SORBS2: variants seen among roughly 807,000 people sequenced by gnomAD.
SORBS2 encodes the protein sorbin and SH3 domain containing 2, also known as sorbin and SH3 domain-containing protein 2.
SORBS2 carries 46 observed loss-of-function variants against 97.7 expected under a neutral mutation model. That is an observed-to-expected ratio of 0.47 (90% CI 0.37 to 0.60). The LOEUF (loss-of-function observed/expected upper bound fraction) is 0.60. SORBS2 is among the 20% of genes least tolerant of loss of function. The pLI, the probability that SORBS2 is intolerant of heterozygous loss-of-function variation, is 0.00. For synonymous variants in SORBS2, 476 were observed against 473.4 expected (o/e 1.01, Z -0.07); for missense variants, 1,316 against 1,282.3 (o/e 1.03, Z -0.40).
At chr4:185,680,029 G>A (rs1293848869) in intron 2 of SORBS2, among the ~76,000 whole-genome samples, 1 of 152,164 alleles carries the variant, frequency 6.6e-6, no homozygotes, top group African/African-American at 2.4e-5. Flanking sequence ...CATTCTTTAT[G>A]ATCATTGATA....
intron 1 of SORBS2, among the ~76,000 whole-genome samples, chr4:185,783,207 A>G (rs987481087): frequency 3.7e-4 from 56 of 152,246 alleles, no homozygotes; most frequent in African/African-American, 1.3e-3. Flanking sequence ...AAGGAACTAT[A>G]GATTCCTTAT....
intron 2 of SORBS2, among the ~76,000 whole-genome samples, chr4:185,741,404 G>GTTTTTTTTTTTTTTTTTTTTTTTTTTT: frequency 9.0e-6 from 1 of 111,666 alleles, no homozygotes; most frequent in Non-Finnish European, 1.7e-5. Context: ...TTTTTTTTTT[G>GTTTTTTTTTTTTTTTTTTTTTTTTTTT]TTTTTTTTTT....
At chr4:185,837,842 T>C (rs1463975103) in intron 1 of SORBS2, among the ~76,000 whole-genome samples, 2 of 146,206 alleles carry the variant, frequency 1.4e-5, no homozygotes, top group Non-Finnish European at 1.5e-5. Flanking sequence ...ATTTCTTTAA[T>C]AGAAAAAAAA....
At chr4:185,622,836 A>T in intron 7 of SORBS2, 78 bp downstream of exon 19, 1 of 1,405,728 alleles carries the variant, frequency 7.1e-7, no homozygotes, top group Non-Finnish European at 9.6e-7. Flanking sequence ...GGGAGTGATG[A>T]GATGTTGGAA....
At position 185,623,948 on chromosome 4, in the gene SORBS2, A is replaced by T; in HGVS notation, c.1181T>A (p.Leu394Gln). Residue 394 changes from leucine (L) to glutamine (Q), a missense_variant, in exon 7 of 15, where the codon CTG becomes CAG. Leu to Gln is a moderately radical substitution (Grantham distance 113). Coordinates refer to ENST00000418609, the Ensembl canonical transcript of SORBS2. The surrounding 1 kb of genome is among the most constrained non-coding windows in gnomAD (Gnocchi z 6.4). ...CGTGGAGCACTGGCTCCAGGCGCGC[A>T]GCAGGTCCTTGTGCTGCTGCTCGCT... The T allele has an allele frequency of 6.2e-7, 1 of 1,614,218 alleles. No homozygotes were observed. Among genetic ancestry groups the T allele is most frequent in the Non-Finnish European group, 8.5e-7 (1 of 1,180,040 alleles).
intron 4 of SORBS2, 53 bp downstream of exon 13, chr4:185,646,615 G>A: frequency 1.9e-6 from 2 of 1,079,392 alleles, no homozygotes; most frequent in South Asian, 1.4e-5. Context: ...GTTTATTGGG[G>A]AGCCCTGGGA....
chr4:185,716,677 G>C (rs1399083092), intron 2 of SORBS2, among the ~76,000 whole-genome samples: 1 of 152,152 alleles, frequency 6.6e-6, no homozygotes, highest in Non-Finnish European at 1.5e-5. Context: ...TTACTCCACA[G>C]ATGGTGGAGT....
chr4:185,955,139 C>T (rs1421506418), intron 1 of SORBS2, among the ~76,000 whole-genome samples: 1 of 152,118 alleles, frequency 6.6e-6, no homozygotes, highest in Non-Finnish European at 1.5e-5. Context: ...TTTAACATTT[C>T]AATGGGCCAT....
intron 12 of SORBS2, among the ~76,000 whole-genome samples, chr4:185,603,315 G>C (rs767297951): frequency 3.3e-5 from 5 of 152,040 alleles, no homozygotes; most frequent in Non-Finnish European, 5.9e-5. Context: ...GAGAAAAAAA[G>C]AGAAATTCTT....
At chr4:185,601,634 C>T (rs2096264073) in intron 12 of SORBS2, among the ~76,000 whole-genome samples, 1 of 152,300 alleles carries the variant, frequency 6.6e-6, no homozygotes, top group East Asian at 1.9e-4. Context: ...TTTTCTGGGA[C>T]TGTGCTTATC....
In SORBS2 at chr4:185,768,621, C is replaced by CCTGGGAGG. The variant is rs770403471; in HGVS notation, c.-198+6598_-198+6605dup. Among the ~76,000 whole-genome samples, 7 of 149,840 alleles carry CCTGGGAGG rather than the reference C, an allele frequency of 4.7e-5. No homozygotes were observed. The South Asian group carries it at 1.3e-3, about 27-fold the overall frequency. On this transcript the variant is annotated intron_variant, in intron 2 of 20. Transcript: ENST00000284776. ...GGGTGAGGCACGAGAATCACTTGAA[C>CCTGGGAGG]CTGGGAGGCGGAGGTTGCAGTGAGC... is the stretch of plus-strand genomic sequence containing the variant.
intron 1 of SORBS2, among the ~76,000 whole-genome samples, chr4:185,950,597 T>C (rs1318606923): frequency 6.6e-6 from 1 of 152,248 alleles, no homozygotes; most frequent in Non-Finnish European, 1.5e-5. Context: ...TCAGGAGTGA[T>C]GAATGCCCCT....
intron 4 of SORBS2, among the ~76,000 whole-genome samples, chr4:185,635,012 T>C (rs2096970837): frequency 6.6e-6 from 1 of 152,212 alleles, no homozygotes; most frequent in Non-Finnish European, 1.5e-5. Context: ...AGCCTTCTTG[T>C]AGTATTTTAC....
chr4:185,752,935 T>C (rs540039781), intron 2 of SORBS2, among the ~76,000 whole-genome samples: 70 of 152,336 alleles, frequency 4.6e-4, no homozygotes, highest in African/African-American at 1.7e-3. Context: ...CAATAGTTGA[T>C]CTTTAAATTG....
intron 2 of SORBS2, among the ~76,000 whole-genome samples, chr4:185,738,256 T>C (rs903846557): frequency 3.9e-5 from 6 of 152,230 alleles, no homozygotes; most frequent in Non-Finnish European, 8.8e-5. Context: ...TTCTGAGAAA[T>C]TGGCTGCTTT....
intron 7 of SORBS2, among the ~76,000 whole-genome samples, chr4:185,620,959 A>G (rs2096711161): frequency 2.0e-5 from 3 of 152,232 alleles, no homozygotes; most frequent in African/African-American, 7.2e-5. Flanking sequence ...GATTGCATGT[A>G]GTTCTTAATA....
chr4:185,775,994 C>T (rs928816147), intron 1 of SORBS2: 5 of 152,300 alleles, frequency 3.3e-5, no homozygotes, highest in African/African-American at 1.2e-4. Flanking sequence ...AACAGTGACC[C>T]CTGCTTCTGC....
intron 1 of SORBS2, among the ~76,000 whole-genome samples, chr4:185,928,471 T>C (rs1188004602): frequency 1.3e-5 from 2 of 152,168 alleles, no homozygotes; most frequent in Non-Finnish European, 2.9e-5. Context: ...AACTACTTTA[T>C]AGACAGGTCT....
At chr4:185,793,902 C>T (rs1471493761) in intron 1 of SORBS2, among the ~76,000 whole-genome samples, 1 of 152,204 alleles carries the variant, frequency 6.6e-6, no homozygotes, top group Non-Finnish European at 1.5e-5. Context: ...GCCACACCTC[C>T]TCGAAAGCTA....
Sources: allele counts gnomAD v4.1 joint callset (sites outside exome capture counted in the v4.1 genomes callset), GRCh38; gene constraint gnomAD v4.1.1; non-coding constraint Gnocchi (gnomAD v3.1); transcripts MANE v1.5; gene names NCBI Gene and HGNC (gene_info 2026-07-23, HGNC 2026-07-21).